The following PRMT2 variants were observed in gnomAD, a reference collection of about 807,000 sequenced individuals.
The protein encoded by PRMT2 is protein arginine methyltransferase 2.
Under a neutral mutation model 57.6 loss-of-function variants are expected in PRMT2, and 26 were observed. The observed-to-expected ratio is 0.45, with a 90% CI of 0.33 to 0.63. The LOEUF is 0.63. PRMT2 is among the 20% of genes least tolerant of loss of function. PRMT2 has a pLI of 0.02. For missense variants in PRMT2, 472 were observed against 564.4 expected (o/e 0.84, Z 1.66); for synonymous variants, 219 against 220.0 (o/e 1.00, Z 0.04).
intron 7 of PRMT2, chr21:46,652,219 CAA>C: frequency 7.3e-7 from 1 of 1,373,440 alleles, no homozygotes; most frequent in African/African-American, 1.5e-5. Context: ...AAGGAGGAAA[CAA>C]AAAAATTGCT....
chr21:46,653,936 G>GT (rs78403994), intron 7 of PRMT2: 94,290 of 752,330 alleles, frequency 0.13, 150 homozygotes, highest in Middle Eastern at 0.14. Context: ...TTCTTTTCTT[G>GT]TTTTTTTTTT....
chr21:46,664,647 A>T lies in PRMT2; in HGVS notation c.*320A>T. ...AGCTCCATGTTCCTAAGCTAGGTCT[A>T]GGTCTACACTCCTAGGACGCACGCA... is the stretch of plus-strand genomic sequence containing the variant. On this transcript the variant is annotated 3_prime_UTR_variant, in exon 12 of 12. Coordinates refer to ENST00000355680, the MANE Select transcript of PRMT2 (RefSeq NM_206962.4). 4.3e-6 allele frequency: 2 copies of T among 462,662 alleles called. No individual in the cohort carries two copies. The highest frequency in any genetic ancestry group is 8.0e-6 in the Non-Finnish European group (2 of 251,376). The allele number at this position is 462,662 out of a possible 1,614,324, so 28.7% of individuals were successfully genotyped here. A position where few individuals can be genotyped will look rare whatever the true frequency, so the allele number is the denominator to read the frequency against.
intron 7 of PRMT2, chr21:46,653,033 G>C: frequency 8.8e-7 from 1 of 1,138,090 alleles, no homozygotes; most frequent in Non-Finnish European, 1.1e-6. Context: ...AAGACTGCCA[G>C]ACTCAGTCTT....
In PRMT2 at chr21:46,653,762, C is replaced by T. The variant is rs2061497971; in HGVS notation, c.654+4023C>T. The T allele has an allele frequency of 3.4e-6, 4 of 1,167,716 alleles. No homozygotes were observed. The African/African-American group carries it at 5.0e-5, about 15-fold the overall frequency. The allele number at this position is 1,167,716 out of a possible 1,614,324, so 72.3% of individuals were successfully genotyped here. On this transcript the variant is annotated intron_variant, in intron 7 of 11. Transcript: ENST00000355680. Reference sequence around the variant, plus strand: ...TCTTCTGGATTCCTTGGTTTTAAAGCTTGCCTCATACAAAGTACAGAGACA... The same window carrying T: ...TCTTCTGGATTCCTTGGTTTTAAAGTTTGCCTCATACAAAGTACAGAGACA...
At chr21:46,641,796 T>G (rs2061281045) in intron 3 of PRMT2, among the ~76,000 whole-genome samples, 1 of 150,922 alleles carries the variant, frequency 6.6e-6, no homozygotes, top group Non-Finnish European at 1.5e-5. Context: ...GGTGGAGGTG[T>G]GGAAGGCCGC....
intron 7 of PRMT2, chr21:46,653,102 T>C (rs2061486765): frequency 5.8e-6 from 6 of 1,037,946 alleles, no homozygotes; most frequent in Admixed American, 1.1e-4. Flanking sequence ...TATTCCGTTA[T>C]TCTCTTTAGC....
At chr21:46,663,202 A>G (rs1356634782) in intron 10 of PRMT2, among the ~76,000 whole-genome samples, 181 bp from the exon 11 acceptor site, 6 of 152,174 alleles carry the variant, frequency 3.9e-5, no homozygotes, top group Non-Finnish European at 8.8e-5. Context: ...CTGGGGGTGT[A>G]TATGTTCCCT....
rs559257862 is a variant in PRMT2, at chr21:46,649,799, C to T, written c.654+60C>T. The T allele has an allele frequency of 2.2e-5, 35 of 1,574,640 alleles. 1 individual carries two copies. The highest frequency in any genetic ancestry group is 2.1e-4 in the South Asian group (18 of 87,052). On this transcript the variant is annotated intron_variant, in intron 7 of 11. Coordinates refer to ENST00000355680, the MANE Select transcript of PRMT2 (RefSeq NM_206962.4). The surrounding 1 kb of genome is among the most constrained non-coding windows in gnomAD (Gnocchi z 4.8). ...GCTGGGGGGCTTCTGAGCACGGGCT[C>T]GGCTGGGCCAACCTCAGGATCTCAA...
chr21:46,649,606 A>C lies in PRMT2; in HGVS notation c.521A>C (p.Gln174Pro), dbSNP rs1458384840. Residue 174 changes from glutamine (Q) to proline (P), a missense_variant, in exon 7 of 12, where the codon CAG becomes CCG. Around this residue, in one of 2 missense-constraint regions of PRMT2, gnomAD observed 243 missense variants for 347.2 expected, o/e 0.70. Transcript: ENST00000355680. This position sits in a 1 kb window ranked among gnomAD's most constrained non-coding sequence, Gnocchi z 4.8. Reference sequence around the variant, plus strand: ...GCGGTGGAGGCCAGTGAGATGGCACAGCACACGGGGCAGCTGGTCCTGCAG... The same window carrying C: ...GCGGTGGAGGCCAGTGAGATGGCACCGCACACGGGGCAGCTGGTCCTGCAG... The part of the protein sequence containing the change: ...VYAVEASEMA[Q>P]HTGQLVLQNG... 2 of 1,614,020 alleles carry C rather than the reference A, an allele frequency of 1.2e-6. No individual in the cohort carries two copies. The highest frequency in any genetic ancestry group is 1.1e-5 in the South Asian group (1 of 91,078).
intron 7 of PRMT2, 129 bp from the exon 8 acceptor site, chr21:46,658,616 C>T: frequency 6.8e-7 from 1 of 1,481,182 alleles, no homozygotes. Context: ...GTACACTGGC[C>T]TAGGCAGGAA....
intron 11 of PRMT2, 63 bp from the exon 12 acceptor site, chr21:46,664,232 A>G (rs1245042100): frequency 1.5e-6 from 2 of 1,372,028 alleles, no homozygotes; most frequent in African/African-American, 2.9e-5. Flanking sequence ...ACCATTAGGA[A>G]ATGTAGTATG....
chr21:46,661,952 G>A lies in PRMT2; in HGVS notation c.1097+16G>A. ...CCTTCCACCCGTGAGTGTGCGGGGC[G>A]CGGGCACGGGGTGCGGGGTGGGGGG... On this transcript the variant is annotated intron_variant, in intron 10 of 11. Transcript: ENST00000355680. 2 of 1,275,952 alleles carry A rather than the reference G, an allele frequency of 1.6e-6. No homozygotes were observed. The highest frequency in any genetic ancestry group is 2.0e-6 in the Non-Finnish European group (2 of 1,003,026). 79.0% of individuals were successfully genotyped at this position (1,275,952 alleles called of 1,614,324 possible). A position where few individuals can be genotyped will look rare whatever the true frequency, so the allele number is the denominator to read the frequency against.
chr21:46,664,150 A>G (rs564376437), intron 11 of PRMT2, 145 bp from the exon 12 acceptor site: 6 of 641,968 alleles, frequency 9.3e-6, no homozygotes, highest in African/African-American at 1.8e-5. Context: ...TTGCTTTGTG[A>G]TAAGTTTTTG....
rs2061328813 is a variant in PRMT2, at chr21:46,644,350, C to T, written c.189C>T (p.Thr63=). The change falls in exon 5 of 12, where the codon ACC becomes ACT. Residue 63 remains threonine, a synonymous_variant. Transcript: ENST00000355680. ...RGEKILILRQ[T]TADWWWGERA... ...AAAAAATTCTTATCCTGAGACAAAC[C>T]ACTGCAGATTGGTGGTGGGGTGAGC... 6.2e-7 allele frequency: 1 copy of T among 1,609,840 alleles called. No individual in the cohort carries two copies. The highest frequency in any genetic ancestry group is 1.7e-5 in the Admixed American group (1 of 58,976).
At chr21:46,635,813 G>A (rs1480455755) in intron 1 of PRMT2, 50 bp downstream of exon 1, 2 of 152,342 alleles carry the variant, frequency 1.3e-5, no homozygotes, top group East Asian at 3.9e-4. Context: ...CGTAAGGAAG[G>A]ACAGGCCAGG....
intron 7 of PRMT2, among the ~76,000 whole-genome samples, chr21:46,651,103 G>T (rs1225163786): frequency 1.3e-5 from 2 of 152,230 alleles, no homozygotes; most frequent in African/African-American, 2.4e-5. Context: ...ATGCAGAGAG[G>T]CCTGGGACAT....
At chr21:46,644,773 A>T (rs150339594) in intron 5 of PRMT2, among the ~76,000 whole-genome samples, 25 of 152,328 alleles carry the variant, frequency 1.6e-4, no homozygotes, top group African/African-American at 5.5e-4. Context: ...AAAATCATTT[A>T]AAAATGTAAA....
In PRMT2 at chr21:46,638,424, T is replaced by A. The variant is rs774752467; in HGVS notation, c.39+1434T>A. ...CTTTTTGTTGGACACTTAAATTGTTTCTAGTTTTTTCTATTTCAAACAATG... is the reference window on the plus strand; with the variant it reads ...CTTTTTGTTGGACACTTAAATTGTTACTAGTTTTTTCTATTTCAAACAATG... On this transcript the variant is annotated intron_variant, in intron 3 of 11. Coordinates refer to ENST00000355680, the MANE Select transcript of PRMT2 (RefSeq NM_206962.4). 2.6e-5 allele frequency among the ~76,000 whole-genome samples: 4 copies of A among 152,236 alleles called. No individual in the cohort carries two copies. In the South Asian group the frequency reaches 8.3e-4, roughly 31 times the overall value.
At chr21:46,650,535 G>A (rs1449081571) in intron 7 of PRMT2, among the ~76,000 whole-genome samples, 1 of 152,168 alleles carries the variant, frequency 6.6e-6, no homozygotes, top group African/African-American at 2.4e-5. Flanking sequence ...GCTGTGACTT[G>A]GCTTATTAAT....
Sources: allele counts gnomAD v4.1 joint callset (sites outside exome capture counted in the v4.1 genomes callset), GRCh38; gene constraint gnomAD v4.1.1; regional missense constraint gnomAD v4.1.1; non-coding constraint Gnocchi (gnomAD v3.1); transcripts MANE v1.5; gene names NCBI Gene and HGNC (gene_info 2026-07-23, HGNC 2026-07-21).